PLCL2: variants seen among roughly 807,000 people sequenced by gnomAD.
PLCL2 encodes phospholipase C like 2, also known as inactive phospholipase C-like protein 2.
A neutral mutation model predicts 79.6 loss-of-function variants in PLCL2; 4 were observed. The observed-to-expected ratio is 0.05, with a 90% CI of 0.02 to 0.11. PLCL2 has a LOEUF of 0.11. Ranked by LOEUF, PLCL2 falls within the 10% of genes least tolerant of loss-of-function variation. The pLI, the probability that PLCL2 is intolerant of heterozygous loss-of-function variation, is 1.00. For missense variants in PLCL2, 895 were observed against 1,291.0 expected (o/e 0.69, Z 4.70); for synonymous variants, 484 against 457.7 (o/e 1.06, Z -0.73).
rs1226441292 is a variant in PLCL2, at chr3:17,010,543, G to C, written c.1197G>C (p.Trp399Cys). The C allele has an allele frequency of 1.9e-6, 3 of 1,614,072 alleles. No individual in the cohort carries two copies. The South Asian group carries it at 3.3e-5, about 18-fold the overall frequency. Residue 399 changes from tryptophan to cysteine, a missense_variant, in exon 2 of 6, where the codon TGG becomes TGC. By Grantham distance (215) the Trp-to-Cys change is radical (BLOSUM62 -2). This residue lies in a region of PLCL2 where 242 missense variants were observed against 399.5 expected (regional missense o/e 0.61). Transcript: ENST00000615277. The surrounding 1 kb of genome is among the most constrained non-coding windows in gnomAD (Gnocchi z 5.8). ...EPSKEGQEKG[W>C]LSIDGFTNYL... is the part of the protein sequence containing the mutation. ...CCAAAGAGGGTCAGGAAAAGGGCTGGCTCTCCATAGACGGGTTCACTAATT... is the reference window on the plus strand; with the variant it reads ...CCAAAGAGGGTCAGGAAAAGGGCTGCCTCTCCATAGACGGGTTCACTAATT...
chr3:17,023,718 A>G (rs1016773115), intron 3 of PLCL2, among the ~76,000 whole-genome samples: 1 of 152,170 alleles, frequency 6.6e-6, no homozygotes, highest in Non-Finnish European at 1.5e-5. Context: ...AATTTAGAAC[A>G]TAGTTTGATA....
intron 1 of PLCL2, among the ~76,000 whole-genome samples, chr3:16,897,938 T>C (rs1696521534): frequency 6.6e-6 from 1 of 152,256 alleles, no homozygotes; most frequent in Non-Finnish European, 1.5e-5. Context: ...TCTCCTCAAC[T>C]GGACTGCACA....
chr3:17,078,722 G>T (rs1046070977), intron 5 of PLCL2, among the ~76,000 whole-genome samples: 1 of 152,108 alleles, frequency 6.6e-6, no homozygotes, highest in Non-Finnish European at 1.5e-5. Context: ...ATTTTTACCT[G>T]AGGTACAGTG....
chr3:16,943,213 T>C (rs2063568116), intron 1 of PLCL2, among the ~76,000 whole-genome samples: 1 of 152,214 alleles, frequency 6.6e-6, no homozygotes, highest in Non-Finnish European at 1.5e-5. Context: ...TCCTTGTGCT[T>C]CTTGAAGTCA....
At chr3:17,021,621 CACACACACA>C (rs2064455161) in intron 3 of PLCL2, among the ~76,000 whole-genome samples, 2 of 151,802 alleles carry the variant, frequency 1.3e-5, no homozygotes, top group African/African-American at 4.8e-5. Flanking sequence ...CACACACACA[CACACACACA>C]CCCCAGATAC....
chr3:17,046,209 C>G (rs768131581), intron 4 of PLCL2, among the ~76,000 whole-genome samples: 80 of 152,164 alleles, frequency 5.3e-4, no homozygotes, highest in Non-Finnish European at 2.9e-4. Flanking sequence ...GAGAGCTGAA[C>G]AGGAGTCTGC....
chr3:17,012,363 A>G (rs927737150), intron 2 of PLCL2, among the ~76,000 whole-genome samples: 2 of 152,230 alleles, frequency 1.3e-5, no homozygotes, highest in Non-Finnish European at 2.9e-5. Flanking sequence ...TTGATTACAT[A>G]TTGGGATAAG....
At chr3:16,982,936 T>A (rs2064015002) in intron 1 of PLCL2, among the ~76,000 whole-genome samples, 1 of 152,264 alleles carries the variant, frequency 6.6e-6, no homozygotes, top group Non-Finnish European at 1.5e-5. Context: ...ATATCTACAT[T>A]TCTGTATTTT....
At chr3:16,984,250 A>G (rs1288879273) in intron 1 of PLCL2, among the ~76,000 whole-genome samples, 1 of 152,196 alleles carries the variant, frequency 6.6e-6, no homozygotes, top group Admixed American at 6.5e-5. Flanking sequence ...TAGAGAAGAA[A>G]TAAGGCTCTA....
rs570947431 is a variant in PLCL2, at chr3:16,971,384, G to A, written c.328-38290G>A. Among the ~76,000 whole-genome samples, 7 of 152,158 alleles carry A rather than the reference G, an allele frequency of 4.6e-5. No homozygotes were observed. In the South Asian group the frequency reaches 6.2e-4, roughly 14 times the overall value. ...GATCAGATATTTGTAGATATGCAGC[G>A]TTATTTCTGAGGGCTCTGTTCTGTT... On this transcript the variant is annotated intron_variant, in intron 1 of 5. Coordinates refer to ENST00000615277, the MANE Select transcript of PLCL2 (RefSeq NM_001144382.2).
chr3:16,942,594 C>T lies in PLCL2; in HGVS notation c.327+57228C>T, dbSNP rs115612975. Among the ~76,000 whole-genome samples, 959 of 152,274 alleles carry T rather than the reference C, an allele frequency of 6.3e-3. 12 individuals carry two copies. Among genetic ancestry groups the T allele is most frequent in the African/African-American group, 0.022 (918 of 41,560 alleles). ...TGTCCTAGCAGGGAGCCAGACATGA[C>T]TCTATCACGCTTGCCACTTTTCCAT... On this transcript the variant is annotated intron_variant, in intron 1 of 5. Transcript: ENST00000615277.
chr3:16,928,959 T>C (rs1375849873), intron 1 of PLCL2, among the ~76,000 whole-genome samples: 2 of 96,878 alleles, frequency 2.1e-5, no homozygotes, highest in Non-Finnish European at 4.1e-5. Context: ...AAGTGAAACG[T>C]AGAGGCTGTG....
In PLCL2 at chr3:17,010,875, C is replaced by T; in HGVS notation, c.1529C>T (p.Ala510Val). ...ATTATTAACAAGTATGCATTCTTTG[C>T]TTCAGAGTATCCTCTTATCTTGTGT... ...IDIINKYAFF[A>V]SEYPLILCLE... The change falls in exon 2 of 6, where the codon GCT (alanine) becomes GTT (valine). Residue 510 changes from alanine to valine, a missense_variant. By Grantham distance (64) the Ala-to-Val change is moderately conservative. Transcript: ENST00000615277. This position sits in a 1 kb window ranked among gnomAD's most constrained non-coding sequence, Gnocchi z 5.8. The T allele has an allele frequency of 6.2e-7, 1 of 1,613,868 alleles. No homozygotes were observed.
chr3:16,977,137 A>G (rs1191589666), intron 1 of PLCL2, among the ~76,000 whole-genome samples: 1 of 152,224 alleles, frequency 6.6e-6, no homozygotes, highest in Non-Finnish European at 1.5e-5. Context: ...CACACAATAC[A>G]TATACGTATA....
chr3:17,030,287 C>G (rs2124908738), intron 3 of PLCL2, among the ~76,000 whole-genome samples: 1 of 152,272 alleles, frequency 6.6e-6, no homozygotes, highest in South Asian at 2.1e-4. Context: ...GATTATAAGA[C>G]TATGTACCTG....
intron 1 of PLCL2, among the ~76,000 whole-genome samples, chr3:16,954,701 T>A (rs1397078232): frequency 6.6e-6 from 1 of 152,210 alleles, no homozygotes; most frequent in African/African-American, 2.4e-5. Context: ...GTTTCCTGAC[T>A]TTTTAATGAT....
intron 1 of PLCL2, among the ~76,000 whole-genome samples, chr3:16,962,363 G>A (rs866417268): frequency 2.6e-5 from 4 of 151,190 alleles, no homozygotes; most frequent in African/African-American, 4.9e-5. Flanking sequence ...CCTGCCCCAC[G>A]ACCCATCTGT....
At chr3:16,989,871 G>C (rs1466341391) in intron 1 of PLCL2, among the ~76,000 whole-genome samples, 1 of 151,962 alleles carries the variant, frequency 6.6e-6, no homozygotes, top group African/African-American at 2.4e-5. Context: ...TTCACTGTAT[G>C]ATAAAAAATA....
At chr3:16,992,327 T>G (rs953635569) in intron 1 of PLCL2, among the ~76,000 whole-genome samples, 1 of 152,162 alleles carries the variant, frequency 6.6e-6, no homozygotes, top group Non-Finnish European at 1.5e-5. Context: ...ACCTCCTTTC[T>G]TCAGCTCTGA....
Sources: gnomAD v4.1 joint callset for allele counts (sites outside exome capture counted in the v4.1 genomes callset) on GRCh38, gnomAD v4.1.1 for gene constraint, gnomAD v4.1.1 regional missense constraint, Gnocchi (gnomAD v3.1) non-coding constraint, MANE v1.5 for transcripts, NCBI Gene and HGNC (gene_info 2026-07-23, HGNC 2026-07-21) for gene names.